Variants in SYNE1 observed in about 807,000 individuals in gnomAD.
SYNE1 encodes the protein spectrin repeat containing nuclear envelope protein 1, also known as nesprin-1.
In SYNE1, 616 loss-of-function variants were observed where a neutral mutation model predicts 1,111.0. That is an observed-to-expected ratio of 0.55 (90% CI 0.52 to 0.59). SYNE1 has a LOEUF of 0.59. Ranked by LOEUF, SYNE1 falls within the 20% of genes least tolerant of loss-of-function variation. SYNE1 has a pLI of 0.00. For missense variants in SYNE1, 10,006 were observed against 10,417.0 expected, an observed-to-expected ratio of 0.96 and a Z score of 1.72; for synonymous variants, 3,855 against 3,825.8, an observed-to-expected ratio of 1.01 and a Z score of -0.28.
chr6:152,129,782 C>G (rs935094051), intron 145 of SYNE1, among the ~76,000 whole-genome samples: 4 of 152,144 alleles, frequency 2.6e-5, no homozygotes, highest in Non-Finnish European at 4.4e-5. Flanking sequence ...TTCCTCATCC[C>G]CACCCTCCTT....
intron 12 of SYNE1, among the ~76,000 whole-genome samples, chr6:152,486,163 T>C (rs910759539): frequency 2.6e-5 from 4 of 151,644 alleles, no homozygotes; most frequent in African/African-American, 9.7e-5. Flanking sequence ...ATCATGCCAC[T>C]ACACTCCAGC....
In SYNE1 at chr6:152,172,448, A is replaced by G. The variant is rs187099060; in HGVS notation, c.23627+3946T>C. On this transcript the variant is annotated intron_variant, in intron 130 of 145. Coordinates refer to ENST00000367255, the MANE Select transcript of SYNE1 (RefSeq NM_182961.4). ...GGGATTTAGGTTTAGCCGAGAGAAA[A>G]AGAATTTTCTCTATTAGAAGGTCCA... Among the ~76,000 whole-genome samples, 160 of 152,288 alleles carry G rather than the reference A, an allele frequency of 1.1e-3. 1 individual carries two copies. Among genetic ancestry groups the G allele is most frequent in the Non-Finnish European group, 2.4e-4 (16 of 68,020 alleles).
chr6:152,175,611 G>A (rs1057407877), intron 130 of SYNE1, among the ~76,000 whole-genome samples: 1 of 152,218 alleles, frequency 6.6e-6, no homozygotes, highest in Non-Finnish European at 1.5e-5. Flanking sequence ...CTTAGTGCTT[G>A]TGATATGTAG....
At chr6:152,295,823 C>G (rs1018839494) in intron 93 of SYNE1, among the ~76,000 whole-genome samples, 1 of 152,202 alleles carries the variant, frequency 6.6e-6, no homozygotes, top group African/African-American at 2.4e-5. Context: ...TTTCAAGGAT[C>G]TTGGTCTATT....
chr6:152,393,744 A>C (rs1441272293), intron 51 of SYNE1, among the ~76,000 whole-genome samples: 1 of 152,212 alleles, frequency 6.6e-6, no homozygotes, highest in Non-Finnish European at 1.5e-5. Flanking sequence ...TTGTTTTTCA[A>C]GACAAGGAAT....
intron 127 of SYNE1, among the ~76,000 whole-genome samples, chr6:152,201,541 C>CA (rs981392615): frequency 6.0e-5 from 9 of 149,400 alleles, no homozygotes; most frequent in South Asian, 2.1e-4. Context: ...GTGGATGCTT[C>CA]AAAAAAAATG....
chr6:152,545,067 T>C (rs1443692207), intron 3 of SYNE1, among the ~76,000 whole-genome samples: 1 of 152,170 alleles, frequency 6.6e-6, no homozygotes, highest in African/African-American at 2.4e-5. Context: ...ACAGATGGTA[T>C]GTTTAAAATT....
At chr6:152,455,668 A>T in intron 23 of SYNE1, 78 bp from the exon 24 acceptor site, 1 of 1,580,222 alleles carries the variant, frequency 6.3e-7, no homozygotes, top group Non-Finnish European at 8.7e-7. Flanking sequence ...GGTATTATTC[A>T]TTTAAAAAGC....
intron 93 of SYNE1, among the ~76,000 whole-genome samples, chr6:152,295,180 T>C (rs1377284689): frequency 1.3e-5 from 2 of 152,236 alleles, no homozygotes; most frequent in Admixed American, 1.3e-4. Context: ...TGCACACTGG[T>C]TCACTCATTG....
chr6:152,467,970 T>A (rs897450840), intron 16 of SYNE1, among the ~76,000 whole-genome samples: 3 of 152,132 alleles, frequency 2.0e-5, no homozygotes, highest in Non-Finnish European at 4.4e-5. Flanking sequence ...AAAATACAAA[T>A]GCATGTTTAA....
intron 51 of SYNE1, 88 bp downstream of exon 51, chr6:152,395,428 C>T: frequency 2.1e-6 from 3 of 1,412,556 alleles, no homozygotes; most frequent in Non-Finnish European, 2.9e-6. Context: ...AACCAACTAA[C>T]TAACCAATCA....
chr6:152,240,206 G>A (rs1213685534), intron 107 of SYNE1, among the ~76,000 whole-genome samples: 1 of 152,154 alleles, frequency 6.6e-6, no homozygotes, highest in African/African-American at 2.4e-5. Flanking sequence ...AAAGGTAGAG[G>A]TAAGAACGAA....
chr6:152,317,109 T>G (rs757799285), intron 86 of SYNE1, 123 bp from the exon 87 acceptor site: 18 of 1,060,178 alleles, frequency 1.7e-5, no homozygotes, highest in Non-Finnish European at 2.4e-5. Flanking sequence ...ACCTATGATA[T>G]TCAATGGTAT....
chr6:152,350,563 A>T, intron 71 of SYNE1, 55 bp downstream of exon 71: 1 of 1,609,792 alleles, frequency 6.2e-7, no homozygotes, highest in South Asian at 1.1e-5. Context: ...GAAAGGAGTC[A>T]GGGCCCACAT....
Position 152,566,518 on chromosome 6 carries a change from G to C in SYNE1, c.68-26497C>G, listed in dbSNP as rs150946297. Reference sequence around the variant, plus strand: ...CAAAATATAGGTTCAGAGGCAATTTGAGTCCAATCCACCACCTTTCAAATT... The same window carrying C: ...CAAAATATAGGTTCAGAGGCAATTTCAGTCCAATCCACCACCTTTCAAATT... On this transcript the variant is annotated intron_variant, in intron 3 of 145. Transcript: ENST00000367255. 1.8e-4 allele frequency among the ~76,000 whole-genome samples: 27 copies of C among 152,178 alleles called. No homozygotes were observed. In the East Asian group the frequency reaches 4.3e-3, roughly 24 times the overall value.
chr6:152,391,586 A>AAAAAAG lies in SYNE1; in HGVS notation c.7713-19_7713-18insCTTTTT. 2 of 1,552,484 alleles carry AAAAAAG rather than the reference A, an allele frequency of 1.3e-6. No individual in the cohort carries two copies. Among genetic ancestry groups the AAAAAAG allele is most frequent in the Non-Finnish European group, 1.7e-6 (2 of 1,160,642 alleles). ...GAGACTCTCTGAAAAAAAGGAAAAA[A>AAAAAAG]AAAAAAAAGAAAAAAAATTAATTCT... On this transcript the variant is annotated intron_variant, in intron 51 of 145. Transcript: ENST00000367255.
intron 33 of SYNE1, 84 bp downstream of exon 33, chr6:152,435,857 A>T: frequency 6.6e-7 from 1 of 1,512,984 alleles, no homozygotes; most frequent in South Asian, 1.1e-5. Context: ...AGATTTTAAA[A>T]GAGTGTTTTG....
At position 152,396,826 on chromosome 6, in the gene SYNE1, TG is replaced by T. The variant is rs2097738700; in HGVS notation, c.7504del (p.Gln2502AsnfsTer26). ...AAGAGCCTGCTTATCTTTAAGGCATTGTTTCAGAAATGCTTGAAACTCTTCA... is the reference window on the plus strand; with the variant it reads ...AAGAGCCTGCTTATCTTTAAGGCATTTTTCAGAAATGCTTGAAACTCTTCA... Reference protein sequence around the residue: ...ANEEFQAFLKQCLKDKQALQD... With the variant: ...ANEEFQAFLKXCLKDKQALQD... On this transcript the variant is annotated frameshift_variant, in exon 50 of 146. Coordinates refer to ENST00000367255, the MANE Select transcript of SYNE1 (RefSeq NM_182961.4). LOFTEE classifies it high-confidence loss of function. 6.2e-7 allele frequency: 1 copy of T among 1,614,090 alleles called. No homozygotes were observed. The highest frequency in any genetic ancestry group is 8.5e-7 in the Non-Finnish European group (1 of 1,180,022).
chr6:152,438,410 T>C (rs77176006), intron 32 of SYNE1, among the ~76,000 whole-genome samples: 3,965 of 152,194 alleles, frequency 0.026, 192 homozygotes, highest in African/African-American at 0.091. Context: ...AAAAGCATAA[T>C]GCAGAGAAAT....
Sources: gnomAD v4.1 joint callset for allele counts (sites outside exome capture counted in the v4.1 genomes callset) on GRCh38, gnomAD v4.1.1 for gene constraint, MANE v1.5 for transcripts, NCBI Gene and HGNC (gene_info 2026-07-23, HGNC 2026-07-21) for gene names.